BCAS3: variants seen among roughly 807,000 people sequenced by gnomAD.
BCAS3 encodes the protein BCAS4/BCAS3 fusion.
A neutral mutation model predicts 116.1 loss-of-function variants in BCAS3; 53 were observed. The ratio of observed to expected loss-of-function variants is 0.46; its 90% CI spans 0.37 to 0.57. BCAS3 has a LOEUF of 0.57. Ranked by LOEUF, BCAS3 falls within the 20% of genes least tolerant of loss-of-function variation. The probability of loss-of-function intolerance (pLI) is 0.00; values close to 1 mark genes in which losing one functional copy is unlikely to be tolerated. For missense variants in BCAS3, 917 were observed against 1,165.4 expected (o/e 0.79, Z 3.10); for synonymous variants, 391 against 408.2 (o/e 0.96, Z 0.51).
rs747716053 is a variant in BCAS3, at chr17:61,070,277, C to A, written c.2030-4643C>A. 5 of 1,442,212 alleles carry A rather than the reference C, an allele frequency of 3.5e-6. No homozygotes were observed. The South Asian group carries it at 5.7e-5, about 16-fold the overall frequency. 89.3% of individuals were successfully genotyped at this position (1,442,212 alleles called of 1,614,324 possible). On this transcript the variant is annotated intron_variant, in intron 19 of 23. Coordinates refer to ENST00000407086, the MANE Select transcript of BCAS3 (RefSeq NM_017679.5). Reference sequence around the variant, plus strand: ...ATTTGGCCTGATGGAGAGAAGAAGGCATATGTTCGACTGGCTCCTGGTTAC... The same window carrying A: ...ATTTGGCCTGATGGAGAGAAGAAGGAATATGTTCGACTGGCTCCTGGTTAC...
chr17:61,014,072 G>A (rs1004285710), intron 15 of BCAS3, among the ~76,000 whole-genome samples: 3 of 151,986 alleles, frequency 2.0e-5, no homozygotes, highest in African/African-American at 7.2e-5. Flanking sequence ...AACTTAATTC[G>A]AATTAGTAAA....
In BCAS3 at chr17:61,092,328, G is replaced by C. The variant is rs897801494; in HGVS notation, c.2425+7764G>C. ...CATTTTTTTATAAGTCTGTCTGTCT[G>C]TCTCTCTCTCTCTCTCTGTCTCTCG... On this transcript the variant is annotated intron_variant, in intron 22 of 23. Coordinates refer to ENST00000407086, the MANE Select transcript of BCAS3 (RefSeq NM_017679.5). 1.3e-4 allele frequency among the ~76,000 whole-genome samples: 20 copies of C among 149,970 alleles called. No homozygotes were observed. The Middle Eastern group carries it at 0.017, about 130-fold the overall frequency.
chr17:60,927,969 G>A (rs377277316), intron 13 of BCAS3, among the ~76,000 whole-genome samples: 7 of 151,882 alleles, frequency 4.6e-5, no homozygotes, highest in East Asian at 3.9e-4. Context: ...TTCTTGGCTT[G>A]CTAAAAGGAT....
At chr17:60,924,382 C>T (rs2059260253) in intron 12 of BCAS3, 25 bp from the exon 13 acceptor site, 1 of 1,604,032 alleles carries the variant, frequency 6.2e-7, no homozygotes, top group Non-Finnish European at 8.5e-7. Context: ...TATTTACCTC[C>T]ATTTGTCTTT....
chr17:60,963,464 G>A (rs2145315733), intron 14 of BCAS3, among the ~76,000 whole-genome samples: 1 of 151,336 alleles, frequency 6.6e-6, no homozygotes, highest in East Asian at 1.9e-4. Flanking sequence ...TGAGACCTAG[G>A]AATTTTATAT....
At chr17:61,334,718 G>A (rs969466339) in intron 22 of BCAS3, among the ~76,000 whole-genome samples, 5 of 146,772 alleles carry the variant, frequency 3.4e-5, no homozygotes, top group Admixed American at 2.0e-4. Flanking sequence ...TCCAGTCATT[G>A]AGCCAATGTC....
At position 61,235,322 on chromosome 17, in the gene BCAS3, A is replaced by G. The variant is rs1300939360; in HGVS notation, c.2426-133005A>G. On this transcript the variant is annotated intron_variant, in intron 22 of 23. Transcript: ENST00000407086. The surrounding 1 kb of genome is among the most constrained non-coding windows in gnomAD (Gnocchi z 5.0). ...CCTTCTTGGCTAGTTATAGTCTAAG[A>G]CTTGCAGACAGGCAGCCTGGGAAGA... Among the ~76,000 whole-genome samples the G allele has an allele frequency of 1.3e-5, 2 of 152,224 alleles. No individual in the cohort carries two copies. Among genetic ancestry groups the G allele is most frequent in the East Asian group, 3.8e-4 (2 of 5,202 alleles).
intron 7 of BCAS3, among the ~76,000 whole-genome samples, chr17:60,830,140 T>C (rs1158757515): frequency 1.3e-5 from 2 of 152,124 alleles, no homozygotes; most frequent in Non-Finnish European, 2.9e-5. Flanking sequence ...TACAGGTGAA[T>C]ACCACCACGC....
rs1214415967 is a variant in BCAS3 at position 61,307,693 on chromosome 17, C to G, written c.2426-60634C>G. Among the ~76,000 whole-genome samples, 1 of 152,210 alleles carries G rather than the reference C, an allele frequency of 6.6e-6. No individual in the cohort carries two copies. Among genetic ancestry groups the G allele is most frequent in the Non-Finnish European group, 1.5e-5 (1 of 68,026 alleles). Reference sequence around the variant, plus strand: ...TGTCCAAGTGCTCTAAATAAAATTACTTTTTCCCAAGTGTTCTAGAAAGGG... The same window carrying G: ...TGTCCAAGTGCTCTAAATAAAATTAGTTTTTCCCAAGTGTTCTAGAAAGGG... On this transcript the variant is annotated intron_variant, in intron 22 of 23. Transcript: ENST00000407086. The surrounding 1 kb of genome is among the most constrained non-coding windows in gnomAD (Gnocchi z 4.7).
At position 61,074,907 on chromosome 17, in the gene BCAS3, C is replaced by G; in HGVS notation, c.2030-13C>G. 4 of 1,581,242 alleles carry G rather than the reference C, an allele frequency of 2.5e-6. No individual in the cohort carries two copies. The highest frequency in any genetic ancestry group is 3.5e-6 in the Non-Finnish European group (4 of 1,155,618). On this transcript the variant is annotated splice_polypyrimidine_tract_variant and intron_variant, in intron 19 of 23. Transcript: ENST00000407086. The stretch of plus-strand genomic sequence containing the variant: ...GAATGAAGTGGTTTAAATCTATTTT[C>G]TTTCTCCTATAGTGGTTCCCCCTGG...
At chr17:61,039,880 C>T (rs2067365204) in intron 18 of BCAS3, among the ~76,000 whole-genome samples, 1 of 152,008 alleles carries the variant, frequency 6.6e-6, no homozygotes, top group South Asian at 2.1e-4. Flanking sequence ...ATTGAGATAG[C>T]CATTAAGGGG....
chr17:60,899,236 AC>A (rs1423616434), intron 10 of BCAS3, among the ~76,000 whole-genome samples: 1 of 151,102 alleles, frequency 6.6e-6, no homozygotes, highest in African/African-American at 2.4e-5. Flanking sequence ...TCTCTTTCAC[AC>A]CCCAGTCCCA....
chr17:60,844,435 G>T (rs1245833528), intron 7 of BCAS3, among the ~76,000 whole-genome samples: 1 of 152,150 alleles, frequency 6.6e-6, no homozygotes, highest in South Asian at 2.1e-4. Context: ...TTTAGATGAG[G>T]TGTTAGGATA....
chr17:61,377,543 GGTAAAC>G lies in BCAS3; in HGVS notation c.2593+9050_2593+9055del, dbSNP rs1190673707. Among the ~76,000 whole-genome samples, 1 of 152,170 alleles carries G rather than the reference GGTAAAC, an allele frequency of 6.6e-6. No homozygotes were observed. Among genetic ancestry groups the G allele is most frequent in the African/African-American group, 2.4e-5 (1 of 41,440 alleles). ...ATTTGAAGCCCTCATCAAGCAATGG[GGTAAAC>G]CTGTGACCCTGGGCAAGTGCCTTTC... On this transcript the variant is annotated intron_variant, in intron 23 of 23. Coordinates refer to ENST00000407086, the MANE Select transcript of BCAS3 (RefSeq NM_017679.5). This position sits in a 1 kb window ranked among gnomAD's most constrained non-coding sequence, Gnocchi z 4.6.
intron 11 of BCAS3, among the ~76,000 whole-genome samples, chr17:60,909,751 C>T (rs1209891239): frequency 6.6e-6 from 1 of 152,024 alleles, no homozygotes; most frequent in East Asian, 1.9e-4. Flanking sequence ...TGAAGATAAT[C>T]AGAGGATATT....
chr17:61,238,443 G>A (rs976132971), intron 22 of BCAS3, among the ~76,000 whole-genome samples: 4 of 151,690 alleles, frequency 2.6e-5, no homozygotes, highest in African/African-American at 9.7e-5. Context: ...GGCTGGTCTC[G>A]AACTCCTGAC....
chr17:60,864,230 A>C (rs2085392146), intron 7 of BCAS3, among the ~76,000 whole-genome samples: 1 of 152,156 alleles, frequency 6.6e-6, no homozygotes, highest in South Asian at 2.1e-4. Context: ...TGTGATTGTC[A>C]ACTGTCATGG....
At chr17:60,689,620 T>G in intron 3 of BCAS3, 66 bp from the exon 4 acceptor site, 1 of 1,235,218 alleles carries the variant, frequency 8.1e-7, no homozygotes, top group East Asian at 2.4e-5. Context: ...AGTCACTTTG[T>G]TTTGAACATC....
At chr17:60,959,732 T>A (rs1183651054) in intron 14 of BCAS3, among the ~76,000 whole-genome samples, 1 of 152,192 alleles carries the variant, frequency 6.6e-6, no homozygotes, top group African/African-American at 2.4e-5. Flanking sequence ...CAAATTGCCA[T>A]GAACTTGGGA....
Sources: gnomAD v4.1 joint callset for allele counts (sites outside exome capture counted in the v4.1 genomes callset) on GRCh38, gnomAD v4.1.1 for gene constraint, Gnocchi (gnomAD v3.1) non-coding constraint, MANE v1.5 for transcripts, NCBI Gene and HGNC (gene_info 2026-07-23, HGNC 2026-07-21) for gene names.